The following CCT2 variants were observed in gnomAD, a reference collection of about 807,000 sequenced individuals.
CCT2 encodes chaperonin containing TCP1 subunit 2, also known as T-complex protein 1 subunit beta.
CCT2 carries 18 observed loss-of-function variants against 61.8 expected under a neutral mutation model. That is an observed-to-expected ratio of 0.29 (90% CI 0.20 to 0.43). The LOEUF is 0.43. CCT2 is among the 20% of genes least tolerant of loss of function. The probability of loss-of-function intolerance (pLI) is 1.00; values close to 1 mark genes in which losing one functional copy is unlikely to be tolerated. For synonymous variants in CCT2, 248 were observed against 215.9 expected, an observed-to-expected ratio of 1.15 and a Z score of -1.30; for missense variants, 556 against 656.9, an observed-to-expected ratio of 0.85 and a Z score of 1.68.
At chr12:69,594,593 A>G (rs989221160) in intron 10 of CCT2, among the ~76,000 whole-genome samples, 1 of 152,188 alleles carries the variant, frequency 6.6e-6, no homozygotes, top group Admixed American at 6.5e-5. Context: ...GCGGTGGCTC[A>G]TGCTTGTAAT....
intron 10 of CCT2, among the ~76,000 whole-genome samples, chr12:69,594,971 C>T (rs995018642): frequency 6.6e-6 from 1 of 151,966 alleles, no homozygotes; most frequent in East Asian, 1.9e-4. Flanking sequence ...TTTCATAGTA[C>T]ACTCTAAGCC....
At chr12:69,598,974 CAAGAA>C (rs1882073654) in intron 14 of CCT2, among the ~76,000 whole-genome samples, 1 of 152,180 alleles carries the variant, frequency 6.6e-6, no homozygotes, top group Admixed American at 6.5e-5. Context: ...AGGATTCTCA[CAAGAA>C]GAGAAGTTGG....
At position 69,586,882 on chromosome 12, in the gene CCT2, A is replaced by G. The variant is rs1458544548; in HGVS notation, c.144+64A>G. 3 of 954,562 alleles carry G rather than the reference A, an allele frequency of 3.1e-6. No homozygotes were observed. The African/African-American group carries it at 5.1e-5, about 16-fold the overall frequency. 59.1% of individuals were successfully genotyped at this position (954,562 alleles called of 1,614,324 possible). A position where few individuals can be genotyped will look rare whatever the true frequency, so the allele number is the denominator to read the frequency against. ...TTAGAGCGCTTGGTGGAAATATAAT[A>G]ACAAGCGTATTAAAATGCTTTTTAA... On this transcript the variant is annotated intron_variant, in intron 3 of 15. Coordinates refer to ENST00000299300, the MANE Select transcript of CCT2 (RefSeq NM_006431.3).
Position 69,589,221 on chromosome 12 carries a change from G to A in CCT2, c.447-264G>A, listed in dbSNP as rs11177734. 1.1e-3 allele frequency: 506 copies of A among 472,054 alleles called. 4 individuals carry two copies. The highest frequency in any genetic ancestry group is 8.8e-3 in the African/African-American group (446 of 50,908). The allele number at this position is 472,054 out of a possible 1,614,324, so 29.2% of individuals were successfully genotyped here. ...ATTACAGGCGTGAGCCACTGTGCCC[G>A]GCCATTTCTCACATTCTTGCCAACA... On this transcript the variant is annotated intron_variant, in intron 6 of 15. Transcript: ENST00000299300.
At chr12:69,588,340 C>A in intron 6 of CCT2, 78 bp downstream of exon 6, 1 of 1,017,108 alleles carries the variant, frequency 9.8e-7, no homozygotes, top group Non-Finnish European at 1.5e-6. Flanking sequence ...ATCTATAGGA[C>A]ACTGAAAAGC....
chr12:69,585,947 A>C (rs1163020925), intron 1 of CCT2: 3 of 1,280,760 alleles, frequency 2.3e-6, no homozygotes, highest in Non-Finnish European at 3.0e-6. Flanking sequence ...GGCAGGCGTC[A>C]CCTTGATGGC....
At chr12:69,588,074 C>G in intron 5 of CCT2, 68 bp downstream of exon 5, 2 of 1,523,466 alleles carry the variant, frequency 1.3e-6, no homozygotes, top group Non-Finnish European at 1.8e-6. Context: ...CTAGTCCTTA[C>G]TTCCTCTGTC....
chr12:69,588,904 T>C (rs1042736055), intron 6 of CCT2, among the ~76,000 whole-genome samples: 1 of 152,232 alleles, frequency 6.6e-6, no homozygotes, highest in African/African-American at 2.4e-5. Context: ...TGTATAATAA[T>C]ACTTGTTTTT....
intron 15 of CCT2, 68 bp downstream of exon 15, chr12:69,600,072 A>C: frequency 7.3e-7 from 1 of 1,370,352 alleles, no homozygotes; most frequent in East Asian, 2.5e-5. Context: ...TATTTATTTT[A>C]TAATTAGAGT....
At chr12:69,596,593 G>A (rs1440596826) in intron 10 of CCT2, among the ~76,000 whole-genome samples, 1 of 152,024 alleles carries the variant, frequency 6.6e-6, no homozygotes, top group African/African-American at 2.4e-5. Context: ...GTTTTTTTAG[G>A]CCTTAGGACA....
intron 2 of CCT2, 93 bp downstream of exon 2, chr12:69,586,437 G>A (rs1881659908): frequency 1.1e-6 from 1 of 885,196 alleles, no homozygotes; most frequent in South Asian, 1.4e-5. Flanking sequence ...GGAGGCCGAG[G>A]TAGGCGGATG....
chr12:69,598,318 A>G lies in CCT2; in HGVS notation c.1336-4A>G, dbSNP rs1882050484. 6.3e-7 allele frequency: 1 copy of G among 1,574,812 alleles called. No homozygotes were observed. On this transcript the variant is annotated splice_polypyrimidine_tract_variant and splice_region_variant and intron_variant, in intron 13 of 15. Transcript: ENST00000299300. ...GTAGTTACTTGTTTTCTTCATTTTC[A>G]TAGTTGCCAACCATCATAGCTGACA...
intron 15 of CCT2, among the ~76,000 whole-genome samples, chr12:69,600,690 A>C (rs561432641): frequency 7.2e-5 from 11 of 152,242 alleles, no homozygotes; most frequent in Admixed American, 2.0e-4. Context: ...TGAAAAGTTT[A>C]TCTCTCTATA....
chr12:69,588,066 A>C, intron 5 of CCT2, 60 bp downstream of exon 5: 1 of 1,529,950 alleles, frequency 6.5e-7, no homozygotes, highest in Admixed American at 1.7e-5. Context: ...GAGGTAATCT[A>C]GTCCTTACTT....
chr12:69,596,471 C>T (rs1446491109), intron 10 of CCT2, among the ~76,000 whole-genome samples: 2 of 152,114 alleles, frequency 1.3e-5, no homozygotes, highest in Non-Finnish European at 2.9e-5. Flanking sequence ...CTGACCTGTT[C>T]AGTTTACAGC....
At chr12:69,585,901 G>C in intron 1 of CCT2, 1 of 1,274,748 alleles carries the variant, frequency 7.8e-7, no homozygotes, top group Non-Finnish European at 9.9e-7. Flanking sequence ...AGCCTTCCGA[G>C]GGTGGAAGAT....
Position 69,585,957 on chromosome 12 carries a change from C to T in CCT2, c.4-313C>T, listed in dbSNP as rs1881638544. On this transcript the variant is annotated intron_variant, in intron 1 of 15. Transcript: ENST00000299300. Reference sequence around the variant, plus strand: ...CGCCCGGCAGGCGTCACCTTGATGGCCTGCAACCCCTCCCTGCCTCATTCT... The same window carrying T: ...CGCCCGGCAGGCGTCACCTTGATGGTCTGCAACCCCTCCCTGCCTCATTCT... 5 of 1,293,926 alleles carry T rather than the reference C, an allele frequency of 3.9e-6. No homozygotes were observed. The Admixed American group carries it at 1.4e-4, about 37-fold the overall frequency. The allele number at this position is 1,293,926 out of a possible 1,614,324, so 80.2% of individuals were successfully genotyped here.
intron 2 of CCT2, 78 bp downstream of exon 2, chr12:69,586,422 C>CT (rs1479884149): frequency 2.0e-6 from 2 of 1,018,294 alleles, no homozygotes; most frequent in Non-Finnish European, 3.1e-6. Flanking sequence ...AATCCCAGTA[C>CT]TTTGGGAGGC....
chr12:69,597,140 A>G lies in CCT2; in HGVS notation c.983-16A>G, dbSNP rs1235147487. ...AGCCTGCTGTGCATTTAACTAATAC[A>G]TGTTTATGTTTATAGGTGGTGAAAT... On this transcript the variant is annotated splice_polypyrimidine_tract_variant and intron_variant, in intron 10 of 15. Coordinates refer to ENST00000299300, the MANE Select transcript of CCT2 (RefSeq NM_006431.3). 1 of 1,611,782 alleles carries G rather than the reference A, an allele frequency of 6.2e-7. No homozygotes were observed. The highest frequency in any genetic ancestry group is 1.1e-5 in the South Asian group (1 of 90,890).
Sources: gnomAD v4.1 joint callset for allele counts (sites outside exome capture counted in the v4.1 genomes callset) on GRCh38, gnomAD v4.1.1 for gene constraint, MANE v1.5 for transcripts, NCBI Gene and HGNC (gene_info 2026-07-23, HGNC 2026-07-21) for gene names.